The following MEI4 variants were observed in gnomAD, a reference collection of about 807,000 sequenced individuals.
MEI4 encodes meiosis-specific protein MEI4.
Under a neutral mutation model 31.4 loss-of-function variants are expected in MEI4, and 27 were observed. That is an observed-to-expected ratio of 0.86 (90% CI 0.63 to 1.19). MEI4 has a LOEUF of 1.19. Ranked by LOEUF, MEI4 falls within the 50% of genes most tolerant of loss-of-function variation. The pLI is 0.00. For synonymous variants in MEI4, 122 were observed against 145.4 expected, an observed-to-expected ratio of 0.84 and a Z score of 1.16; for missense variants, 329 against 398.9, an observed-to-expected ratio of 0.82 and a Z score of 1.49.
At chr6:77,859,967 C>T (rs1285554366) in intron 4 of MEI4, among the ~76,000 whole-genome samples, 2 of 152,084 alleles carry the variant, frequency 1.3e-5, no homozygotes, top group African/African-American at 4.8e-5. Flanking sequence ...GCTTTTATTC[C>T]ATTTGATCTC....
At chr6:77,732,060 G>C (rs916770890) in intron 2 of MEI4, among the ~76,000 whole-genome samples, 1 of 150,258 alleles carries the variant, frequency 6.7e-6, no homozygotes, top group Non-Finnish European at 1.5e-5. Context: ...GTCAGGTAGT[G>C]TGATGCCTCC....
intron 2 of MEI4, among the ~76,000 whole-genome samples, chr6:77,712,815 CA>C (rs1346294171): frequency 6.6e-6 from 1 of 151,836 alleles, no homozygotes; most frequent in East Asian, 1.9e-4. Context: ...ACTAAAAATA[CA>C]AAAAACTAGC....
chr6:77,792,632 A>G (rs750083583), intron 3 of MEI4, among the ~76,000 whole-genome samples: 5 of 151,758 alleles, frequency 3.3e-5, no homozygotes, highest in Admixed American at 1.3e-4. Flanking sequence ...ATCTTTAAGC[A>G]ATTTTGAGTT....
chr6:77,855,252 G>A, intron 4 of MEI4, among the ~76,000 whole-genome samples: 1 of 152,068 alleles, frequency 6.6e-6, no homozygotes, highest in East Asian at 1.9e-4. Context: ...GGCTGAAGCA[G>A]GACAATTGCT....
intron 4 of MEI4, among the ~76,000 whole-genome samples, chr6:77,857,262 T>A (rs1423275093): frequency 6.6e-6 from 1 of 152,038 alleles, no homozygotes; most frequent in Non-Finnish European, 1.5e-5. Context: ...GAGAGGAGAA[T>A]GTTTTAAAAA....
chr6:77,683,744 A>G (rs1329961644), intron 1 of MEI4, among the ~76,000 whole-genome samples: 1 of 152,310 alleles, frequency 6.6e-6, no homozygotes, highest in South Asian at 2.1e-4. Flanking sequence ...AAGACTGAAT[A>G]GCATTTCATT....
At chr6:77,689,213 T>G (rs949091335) in intron 1 of MEI4, among the ~76,000 whole-genome samples, 2 of 152,080 alleles carry the variant, frequency 1.3e-5, no homozygotes, top group Non-Finnish European at 2.9e-5. Context: ...GGGGTCCTAC[T>G]GTCCATATAA....
chr6:77,769,214 AT>A (rs936774974), intron 3 of MEI4, among the ~76,000 whole-genome samples: 2 of 152,156 alleles, frequency 1.3e-5, no homozygotes, highest in Non-Finnish European at 2.9e-5. Context: ...GAACATACTG[AT>A]TATGGGACTT....
At chr6:77,828,510 C>G (rs1049245164) in intron 3 of MEI4, among the ~76,000 whole-genome samples, 8 of 152,058 alleles carry the variant, frequency 5.3e-5, no homozygotes, top group Non-Finnish European at 4.4e-5. Context: ...CCCTGCCCCC[C>G]TTCCATGGAA....
intron 4 of MEI4, among the ~76,000 whole-genome samples, chr6:77,835,226 G>C (rs1053546887): frequency 4.6e-5 from 7 of 150,860 alleles, no homozygotes; most frequent in African/African-American, 1.5e-4. Context: ...CGGGCGCGGT[G>C]GTGCATGCCT....
chr6:77,868,224 A>T (rs868487963), intron 4 of MEI4, among the ~76,000 whole-genome samples: 21 of 113,228 alleles, frequency 1.9e-4, no homozygotes, highest in Middle Eastern at 8.0e-3. Context: ...ATAAAAAAAA[A>T]TTAAAAAAAA....
chr6:77,857,699 A>G (rs1770777850), intron 4 of MEI4, among the ~76,000 whole-genome samples: 1 of 152,208 alleles, frequency 6.6e-6, no homozygotes, highest in East Asian at 1.9e-4. Flanking sequence ...AGTTGCATGA[A>G]TTCCTTTAAC....
chr6:77,893,273 G>C (rs1766005547), intron 4 of MEI4, among the ~76,000 whole-genome samples: 1 of 152,186 alleles, frequency 6.6e-6, no homozygotes, highest in African/African-American at 2.4e-5. Flanking sequence ...TTTTTTTAAC[G>C]TGTGTATTAA....
intron 4 of MEI4, among the ~76,000 whole-genome samples, chr6:77,896,480 A>G (rs1162488691): frequency 6.6e-6 from 1 of 152,112 alleles, no homozygotes; most frequent in Non-Finnish European, 1.5e-5. Flanking sequence ...TCCATCTGAC[A>G]TTATTCAGAT....
Position 77,725,052 on chromosome 6 carries a change from C to T in MEI4, c.232+34149C>T, listed in dbSNP as rs1296262275. Among the ~76,000 whole-genome samples the T allele has an allele frequency of 8.8e-5, 11 of 124,548 alleles. No homozygotes were observed. In the East Asian group the frequency reaches 2.6e-3, roughly 29 times the overall value. 81.7% of individuals were successfully genotyped at this position (124,548 alleles called of 152,430 possible). On this transcript the variant is annotated intron_variant, in intron 2 of 4. Transcript: ENST00000684080. Reference sequence around the variant, plus strand: ...AAGTGGAATGATATTACCCTTCCTACCTGCTTGTTTTAGTTCCTTACCAAT... The same window carrying T: ...AAGTGGAATGATATTACCCTTCCTATCTGCTTGTTTTAGTTCCTTACCAAT...
Position 77,908,700 on chromosome 6 carries a change from T to C in MEI4, c.901-14389T>C, listed in dbSNP as rs1443441262. 2.0e-5 allele frequency among the ~76,000 whole-genome samples: 3 copies of C among 152,018 alleles called. No individual in the cohort carries two copies. In the East Asian group the frequency reaches 5.8e-4, roughly 29 times the overall value. On this transcript the variant is annotated intron_variant, in intron 4 of 4. Coordinates refer to ENST00000684080, the MANE Select transcript of MEI4 (RefSeq NM_001322247.2). ...ACAAAAAAAGGCAGGGGTTGCAATCTTAGTCTCTGATAAAACAGACTTTAA... is the reference window on the plus strand; with the variant it reads ...ACAAAAAAAGGCAGGGGTTGCAATCCTAGTCTCTGATAAAACAGACTTTAA...
chr6:77,905,559 C>T (rs577925211), intron 4 of MEI4, among the ~76,000 whole-genome samples: 29 of 137,876 alleles, frequency 2.1e-4, no homozygotes, highest in African/African-American at 3.1e-4. Flanking sequence ...TGCAGTGGCA[C>T]GATCTCAGCT....
intron 4 of MEI4, among the ~76,000 whole-genome samples, chr6:77,841,329 A>T (rs1362499728): frequency 8.1e-5 from 3 of 36,922 alleles, no homozygotes; most frequent in Admixed American, 6.4e-4. Flanking sequence ...ATATATATAT[A>T]TATATTTTTT....
intron 4 of MEI4, among the ~76,000 whole-genome samples, chr6:77,831,061 A>G (rs1392780358): frequency 6.6e-6 from 1 of 151,990 alleles, no homozygotes; most frequent in African/African-American, 2.4e-5. Flanking sequence ...AATACCAAGA[A>G]AACAAACAAT....
Sources: gnomAD v4.1 joint callset for allele counts (sites outside exome capture counted in the v4.1 genomes callset) on GRCh38, gnomAD v4.1.1 for gene constraint, MANE v1.5 for transcripts, NCBI Gene and HGNC (gene_info 2026-07-23, HGNC 2026-07-21) for gene names.